Variants in RBM47 observed in about 807,000 individuals in gnomAD.
RBM47 encodes the protein RNA binding motif protein 47.
Under a neutral mutation model 47.1 loss-of-function variants are expected in RBM47, and 21 were observed. That is an observed-to-expected ratio of 0.45 (90% CI 0.32 to 0.64). RBM47 has a LOEUF of 0.64. Among genes scored for constraint, RBM47 ranks in the 30% least tolerant of loss-of-function variants. The pLI, the probability that RBM47 is intolerant of heterozygous loss-of-function variation, is 0.05. For missense variants in RBM47, 708 were observed against 870.9 expected (o/e 0.81, Z 2.35); for synonymous variants, 375 against 361.7 (o/e 1.04, Z -0.42).
At chr4:40,574,116 C>T (rs1245413608) in intron 1 of RBM47, among the ~76,000 whole-genome samples, 1 of 152,186 alleles carries the variant, frequency 6.6e-6, no homozygotes, top group Non-Finnish European at 1.5e-5. Context: ...CCAGATTGTG[C>T]AAATGGTCTT....
intron 1 of RBM47, among the ~76,000 whole-genome samples, chr4:40,617,043 T>G (rs1736817616): frequency 6.6e-6 from 1 of 151,666 alleles, no homozygotes; most frequent in African/African-American, 2.4e-5. Context: ...GGCCAGCTAA[T>G]TTTTGTATTT....
At chr4:40,593,277 C>T (rs1388795447) in intron 1 of RBM47, among the ~76,000 whole-genome samples, 1 of 150,962 alleles carries the variant, frequency 6.6e-6, no homozygotes, top group Non-Finnish European at 1.5e-5. Context: ...GGATTACAGG[C>T]GTGAGCCGGG....
In RBM47 at chr4:40,584,867, GTGTT is replaced by G. The variant is rs56237615; in HGVS notation, c.-239-40365_-239-40362del. 9.9e-3 allele frequency among the ~76,000 whole-genome samples: 1,497 copies of G among 151,222 alleles called. 34 individuals are homozygous for G. Among genetic ancestry groups the G allele is most frequent in the African/African-American group, 0.035 (1,426 of 41,168 alleles). ...CAGATGGCACAGCTATAGATCATGTGTGTTTGTTTGTTTGTTTGTTTTCTAATGC... is the reference window on the plus strand; with the variant it reads ...CAGATGGCACAGCTATAGATCATGTGTGTTTGTTTGTTTGTTTTCTAATGC... On this transcript the variant is annotated intron_variant, in intron 1 of 6. Transcript: ENST00000295971.
chr4:40,492,387 A>C (rs957649364), intron 2 of RBM47, among the ~76,000 whole-genome samples: 1 of 152,112 alleles, frequency 6.6e-6, no homozygotes, highest in African/African-American at 2.4e-5. Flanking sequence ...GAAAAGAAAA[A>C]AATAATGAAG....
At chr4:40,579,185 G>A (rs1277118337) in intron 1 of RBM47, among the ~76,000 whole-genome samples, 2 of 151,082 alleles carry the variant, frequency 1.3e-5, no homozygotes, top group Non-Finnish European at 2.9e-5. Flanking sequence ...CACTTTGGGA[G>A]GCCAAGACTG....
chr4:40,471,142 T>A (rs1718802198), intron 2 of RBM47, among the ~76,000 whole-genome samples: 1 of 152,188 alleles, frequency 6.6e-6, no homozygotes, highest in South Asian at 2.1e-4. Context: ...GTCAAATAAC[T>A]AAGTTCTAGT....
intron 1 of RBM47, among the ~76,000 whole-genome samples, chr4:40,611,728 CA>C (rs1033218613): frequency 6.7e-6 from 1 of 148,906 alleles, no homozygotes; most frequent in East Asian, 2.0e-4. Context: ...AACTCTGTCT[CA>C]AAAAAAACAA....
intron 2 of RBM47, among the ~76,000 whole-genome samples, chr4:40,478,833 G>C (rs1720004190): frequency 6.6e-6 from 1 of 152,210 alleles, no homozygotes; most frequent in African/African-American, 2.4e-5. Flanking sequence ...CCAATGCAAA[G>C]ATTATGTGTG....
At chr4:40,537,934 G>A (rs1728139548) in intron 2 of RBM47, among the ~76,000 whole-genome samples, 1 of 151,746 alleles carries the variant, frequency 6.6e-6, no homozygotes, top group African/African-American at 2.4e-5. Flanking sequence ...TGAACTCCTG[G>A]ACTCAAGTGG....
intron 1 of RBM47, among the ~76,000 whole-genome samples, chr4:40,606,754 G>T (rs1406482552): frequency 6.6e-6 from 1 of 152,118 alleles, no homozygotes; most frequent in East Asian, 1.9e-4. Flanking sequence ...CTTGAAATGT[G>T]CATGGCATTC....
chr4:40,497,832 A>G (rs1419760397), intron 2 of RBM47, among the ~76,000 whole-genome samples: 3 of 149,186 alleles, frequency 2.0e-5, no homozygotes, highest in Non-Finnish European at 4.5e-5. Context: ...AAAAAAAAAA[A>G]ATTAGTCAGG....
At chr4:40,446,267 A>G (rs1714510834) in intron 3 of RBM47, among the ~76,000 whole-genome samples, 1 of 152,200 alleles carries the variant, frequency 6.6e-6, no homozygotes. Context: ...CAGATAGGGA[A>G]ACTGAGGCAC....
chr4:40,608,707 AC>A (rs1450261233), intron 1 of RBM47, among the ~76,000 whole-genome samples: 2 of 152,202 alleles, frequency 1.3e-5, no homozygotes, highest in African/African-American at 4.8e-5. Context: ...AACCATTTTG[AC>A]TGTGATAATA....
intron 1 of RBM47, among the ~76,000 whole-genome samples, chr4:40,620,118 C>G (rs1301586945): frequency 1.3e-5 from 2 of 149,892 alleles, no homozygotes; most frequent in African/African-American, 4.9e-5. Flanking sequence ...ATCGCTTAAA[C>G]CAGGGAGGCG....
In RBM47 at chr4:40,589,706, T is replaced by C. The variant is rs1177789496; in HGVS notation, c.-240+39690A>G. On this transcript the variant is annotated intron_variant, in intron 1 of 6. Coordinates refer to ENST00000295971, the MANE Select transcript of RBM47 (RefSeq NM_001098634.2). ...CACCCGCCTCGGCCTCCCGAAGTGC[T>C]GGGATTGCAGGCGTAAGCCACCGCG... is the stretch of plus-strand genomic sequence containing the variant. Among the ~76,000 whole-genome samples, 3 of 152,272 alleles carry C rather than the reference T, an allele frequency of 2.0e-5. No individual in the cohort carries two copies. In the East Asian group the frequency reaches 5.8e-4, roughly 29 times the overall value.
chr4:40,606,974 C>A (rs1345873848), intron 1 of RBM47, among the ~76,000 whole-genome samples: 1 of 152,094 alleles, frequency 6.6e-6, no homozygotes, highest in African/African-American at 2.4e-5. Flanking sequence ...CTGAGCAAGA[C>A]CCTGTCAGAA....
intron 2 of RBM47, among the ~76,000 whole-genome samples, chr4:40,523,752 C>A (rs1314928935): frequency 6.6e-6 from 1 of 151,292 alleles, no homozygotes; most frequent in Non-Finnish European, 1.5e-5. Flanking sequence ...GTGGTCCCAG[C>A]TACTTTGGAA....
chr4:40,434,596 A>C (rs1012731580), intron 5 of RBM47, among the ~76,000 whole-genome samples: 1 of 134,736 alleles, frequency 7.4e-6, no homozygotes, highest in Admixed American at 7.8e-5. Context: ...ATTAAGTTAC[A>C]GAGCTGTGGG....
At chr4:40,555,512 A>C (rs544974636) in intron 1 of RBM47, among the ~76,000 whole-genome samples, 3 of 152,352 alleles carry the variant, frequency 2.0e-5, no homozygotes, top group East Asian at 3.9e-4. Flanking sequence ...AACACAGGGT[A>C]CGTGCAACAT....
Sources: gnomAD v4.1 joint callset for allele counts (sites outside exome capture counted in the v4.1 genomes callset) on GRCh38, gnomAD v4.1.1 for gene constraint, MANE v1.5 for transcripts, NCBI Gene and HGNC (gene_info 2026-07-23, HGNC 2026-07-21) for gene names.